RNFT2: variants seen among roughly 807,000 people sequenced by gnomAD.
RNFT2 encodes the protein E3 ubiquitin-protein ligase RNFT2.
Under a neutral mutation model 53.0 loss-of-function variants are expected in RNFT2, and 36 were observed. The ratio of observed to expected loss-of-function variants is 0.68; its 90% CI spans 0.52 to 0.90. The LOEUF (loss-of-function observed/expected upper bound fraction) is 0.90, where lower values mean the gene tolerates loss of function less well. RNFT2 is among the 40% of genes least tolerant of loss of function. The pLI is 0.00. For missense variants in RNFT2, 514 were observed against 585.6 expected (o/e 0.88, Z 1.26); for synonymous variants, 260 against 253.2 (o/e 1.03, Z -0.26).
chr12:116,741,971 G>T (rs1871629511), intron 3 of RNFT2, among the ~76,000 whole-genome samples: 1 of 150,432 alleles, frequency 6.6e-6, no homozygotes, highest in Non-Finnish European at 1.5e-5. Flanking sequence ...TTCAACATAA[G>T]AATCTACACA....
At chr12:116,789,363 T>G (rs1592959344) in intron 7 of RNFT2, among the ~76,000 whole-genome samples, 1 of 140,664 alleles carries the variant, frequency 7.1e-6, no homozygotes, top group African/African-American at 2.7e-5. Context: ...GGTGGATGGG[T>G]AAATGGGAGG....
chr12:116,791,092 A>G (rs901771262), intron 7 of RNFT2, among the ~76,000 whole-genome samples: 4 of 152,262 alleles, frequency 2.6e-5, no homozygotes, highest in Non-Finnish European at 4.4e-5. Flanking sequence ...TCATCACACC[A>G]GAAGGAAACC....
At chr12:116,819,869 A>G (rs762013476) in intron 7 of RNFT2, among the ~76,000 whole-genome samples, 2 of 152,250 alleles carry the variant, frequency 1.3e-5, no homozygotes, top group African/African-American at 2.4e-5. Flanking sequence ...GAAATATAAG[A>G]GTAGTCACAC....
intron 4 of RNFT2, among the ~76,000 whole-genome samples, chr12:116,751,552 C>T (rs1020319675): frequency 2.0e-5 from 3 of 151,368 alleles, no homozygotes; most frequent in East Asian, 2.0e-4. Context: ...TACAGGCAAC[C>T]GCCACCACAC....
intron 3 of RNFT2, among the ~76,000 whole-genome samples, chr12:116,748,083 G>A (rs780616689): frequency 3.3e-5 from 5 of 152,026 alleles, no homozygotes; most frequent in Non-Finnish European, 7.4e-5. Flanking sequence ...CCAGCTACTC[G>A]GGAGGCTGAG....
At chr12:116,755,866 G>A in intron 5 of RNFT2, 1 of 1,554,734 alleles carries the variant, frequency 6.4e-7, no homozygotes, top group Non-Finnish European at 8.8e-7. Flanking sequence ...TTCCCTTTGT[G>A]TTCGTCATTT....
At chr12:116,778,329 G>A (rs921749763) in intron 6 of RNFT2, among the ~76,000 whole-genome samples, 3 of 152,166 alleles carry the variant, frequency 2.0e-5, no homozygotes, top group African/African-American at 7.2e-5. Context: ...GTTTGGTGTC[G>A]TTCTCATGAC....
At chr12:116,780,522 T>C (rs1220464698) in intron 7 of RNFT2, among the ~76,000 whole-genome samples, 1 of 152,110 alleles carries the variant, frequency 6.6e-6, no homozygotes, top group Admixed American at 6.6e-5. Context: ...ACCTGGTTCC[T>C]AACAGGCCAC....
intron 10 of RNFT2, among the ~76,000 whole-genome samples, chr12:116,846,972 G>A (rs904103695): frequency 7.4e-5 from 11 of 148,208 alleles, no homozygotes; most frequent in Non-Finnish European, 1.3e-4. Flanking sequence ...GCAGTGGCGC[G>A]ATCTTGGCTC....
chr12:116,806,362 T>C (rs1875049463), intron 7 of RNFT2, among the ~76,000 whole-genome samples: 1 of 38,508 alleles, frequency 2.6e-5, no homozygotes, highest in Non-Finnish European at 5.4e-5. Flanking sequence ...AGAGTGAGAC[T>C]GTCTCAAAAA....
rs559809128 is a variant in RNFT2, at chr12:116,841,985, AGG to A, written c.1200+5705_1200+5706del. Among the ~76,000 whole-genome samples, 13 of 131,574 alleles carry A rather than the reference AGG, an allele frequency of 9.9e-5. 2 individuals carry two copies. The South Asian group carries it at 2.7e-3, about 27-fold the overall frequency. The allele number at this position is 131,574 out of a possible 152,430, so 86.3% of individuals were successfully genotyped here. A position where few individuals can be genotyped will look rare whatever the true frequency, so the allele number is the denominator to read the frequency against. ...GAGAGAGAGAGAGAGAGAGAGAGAG[AGG>A]GAGGATCCAGGTACAACTTAGCTGT... On this transcript the variant is annotated intron_variant, in intron 10 of 10. Coordinates refer to ENST00000257575, the MANE Select transcript of RNFT2 (RefSeq NM_001382266.1).
chr12:116,810,011 C>G (rs1875294060), intron 7 of RNFT2, among the ~76,000 whole-genome samples: 1 of 152,150 alleles, frequency 6.6e-6, no homozygotes, highest in African/African-American at 2.4e-5. Flanking sequence ...TTGAGGAAAC[C>G]AAGTCCCCAA....
chr12:116,766,879 G>A lies in RNFT2; in HGVS notation c.693G>A (p.Val231=), dbSNP rs767727808. The A allele has an allele frequency of 1.9e-6, 3 of 1,594,454 alleles. No individual in the cohort carries two copies. Among genetic ancestry groups the A allele is most frequent in the Non-Finnish European group, 2.6e-6 (3 of 1,169,996 alleles). The part of the protein sequence containing the change: ...LAFLAGNTLY[V]LYTFSSQQLY... Reference sequence around the variant, plus strand: ...TTCTGGCGGGGAACACCCTCTATGTGCTTTATACATTCAGCTCCCAGCAGC... The same window carrying A: ...TTCTGGCGGGGAACACCCTCTATGTACTTTATACATTCAGCTCCCAGCAGC... The change falls in exon 6 of 11, where the codon GTG becomes GTA. Residue 231 remains valine, a synonymous_variant. Coordinates refer to ENST00000257575, the MANE Select transcript of RNFT2 (RefSeq NM_001382266.1).
At chr12:116,833,721 G>T (rs992300289) in intron 7 of RNFT2, 71 bp from the exon 8 acceptor site, 5 of 1,537,764 alleles carry the variant, frequency 3.3e-6, no homozygotes, top group Middle Eastern at 1.9e-4. Flanking sequence ...TGCCCGGGGC[G>T]GGGGGCCCCC....
intron 5 of RNFT2, among the ~76,000 whole-genome samples, chr12:116,761,441 C>G (rs1872689668): frequency 6.6e-6 from 1 of 152,218 alleles, no homozygotes; most frequent in Non-Finnish European, 1.5e-5. Context: ...AGCCACCATG[C>G]CTGGCCCCAT....
chr12:116,782,089 A>AAAAAAAAAAAAAAAAAAAAAAAAAAG (rs1873739414), intron 7 of RNFT2: 1 of 148,746 alleles, frequency 6.7e-6, no homozygotes. Flanking sequence ...CAAAAAAAAA[A>AAAAAAAAAAAAAAAAAAAAAAAAAAG]AAAAATGTGG....
intron 7 of RNFT2, among the ~76,000 whole-genome samples, chr12:116,831,982 T>G (rs1387746786): frequency 6.6e-6 from 1 of 151,022 alleles, no homozygotes; most frequent in Non-Finnish European, 1.5e-5. Context: ...TACAAAAAAA[T>G]TAGCCAGGCG....
intron 7 of RNFT2, among the ~76,000 whole-genome samples, chr12:116,793,381 C>A (rs1874345600): frequency 6.6e-6 from 1 of 151,920 alleles, no homozygotes; most frequent in Admixed American, 6.6e-5. Context: ...GAGACAGGGT[C>A]TCACTGTCTT....
At chr12:116,783,596 C>T (rs1873804650) in intron 7 of RNFT2, among the ~76,000 whole-genome samples, 1 of 152,274 alleles carries the variant, frequency 6.6e-6, no homozygotes, top group African/African-American at 2.4e-5. Context: ...AGCAATAACA[C>T]CCCTCCCTGT....
Sources: gnomAD v4.1 joint callset for allele counts (sites outside exome capture counted in the v4.1 genomes callset) on GRCh38, gnomAD v4.1.1 for gene constraint, MANE v1.5 for transcripts, NCBI Gene and HGNC (gene_info 2026-07-23, HGNC 2026-07-21) for gene names.